Variants in SLC23A2 observed in about 807,000 individuals in gnomAD.
The protein encoded by SLC23A2 is Na(+)/L-ascorbic acid transporter 2.
In SLC23A2, 36 loss-of-function variants were observed where a neutral mutation model predicts 73.3. The observed-to-expected ratio is 0.49, with a 90% CI of 0.38 to 0.65. The LOEUF is 0.65. Among genes scored for constraint, SLC23A2 ranks in the 30% least tolerant of loss-of-function variants. SLC23A2 has a pLI of 0.00. For missense variants in SLC23A2, 507 were observed against 841.6 expected (o/e 0.60, Z 4.92); for synonymous variants, 343 against 327.3 (o/e 1.05, Z -0.52).
intron 1 of SLC23A2, among the ~76,000 whole-genome samples, chr20:4,977,000 A>T (rs2087652664): frequency 6.6e-6 from 1 of 152,084 alleles, no homozygotes; most frequent in Admixed American, 6.6e-5. Context: ...AAAAATGCAT[A>T]TCCAATGAAA....
At chr20:4,886,696 T>A in intron 6 of SLC23A2, among the ~76,000 whole-genome samples, 1 of 152,206 alleles carries the variant, frequency 6.6e-6, no homozygotes, top group East Asian at 1.9e-4. Context: ...TTCAGCTAAG[T>A]CACATTAAAG....
chr20:4,950,653 G>A (rs971728765), intron 2 of SLC23A2, among the ~76,000 whole-genome samples: 2 of 152,040 alleles, frequency 1.3e-5, no homozygotes, highest in African/African-American at 4.8e-5. Context: ...CCTGGGCAGT[G>A]GGCACCCTCT....
At chr20:5,005,190 C>T (rs950482445), upstream of SLC23A2, among the ~76,000 whole-genome samples, 8 of 151,474 alleles carry the variant, frequency 5.3e-5, no homozygotes, top group East Asian at 1.4e-3. Flanking sequence ...GCTCTGACTT[C>T]TGTCTTTCAA....
chr20:4,891,543 A>G (rs1308518780), intron 6 of SLC23A2, among the ~76,000 whole-genome samples: 1 of 152,146 alleles, frequency 6.6e-6, no homozygotes, highest in Non-Finnish European at 1.5e-5. Context: ...AGTGGGGCCC[A>G]CCCTGGCTGG....
At chr20:4,913,046 T>G in intron 3 of SLC23A2, 68 bp from the exon 4 acceptor site, 1 of 1,021,010 alleles carries the variant, frequency 9.8e-7, no homozygotes, top group Non-Finnish European at 1.5e-6. Flanking sequence ...GAAAGCCATT[T>G]GTAATTCTCC....
At chr20:4,957,398 GT>G (rs1307801897) in intron 2 of SLC23A2, among the ~76,000 whole-genome samples, 4 of 151,902 alleles carry the variant, frequency 2.6e-5, no homozygotes, top group African/African-American at 9.7e-5. Flanking sequence ...GGAGTTCAAC[GT>G]TCAGTGAACT....
intron 3 of SLC23A2, among the ~76,000 whole-genome samples, chr20:4,923,054 G>C (rs1932549718): frequency 6.6e-6 from 1 of 151,954 alleles, no homozygotes; most frequent in Admixed American, 6.6e-5. Flanking sequence ...AAAGTATATT[G>C]CAATATGATA....
chr20:5,002,070 G>T (rs2088136147), upstream of SLC23A2, among the ~76,000 whole-genome samples: 1 of 152,142 alleles, frequency 6.6e-6, no homozygotes, highest in South Asian at 2.1e-4. Flanking sequence ...GCTAGGGGCG[G>T]GTTCACATTC....
intron 2 of SLC23A2, among the ~76,000 whole-genome samples, 163 bp downstream of exon 2, chr20:4,970,630 G>A (rs1479674480): frequency 1.3e-5 from 2 of 152,166 alleles, no homozygotes; most frequent in Non-Finnish European, 2.9e-5. Context: ...CCAGCTACTT[G>A]GGAAGCTGAG....
At chr20:4,984,505 A>G (rs1397499879) in intron 1 of SLC23A2, among the ~76,000 whole-genome samples, 1 of 151,156 alleles carries the variant, frequency 6.6e-6, no homozygotes, top group Non-Finnish European at 1.5e-5. Context: ...GTGAGCCGAG[A>G]TTGCACCACT....
intron 13 of SLC23A2, 143 bp downstream of exon 13, chr20:4,867,621 CACTTAA>C: frequency 2.1e-6 from 1 of 467,208 alleles, no homozygotes; most frequent in Non-Finnish European, 3.6e-6. Flanking sequence ...GCATTATAAA[CACTTAA>C]AAAAAAAAAA....
chr20:4,971,618 CAAAA>C (rs944620433), intron 1 of SLC23A2, among the ~76,000 whole-genome samples: 1 of 60,116 alleles, frequency 1.7e-5, no homozygotes, highest in Non-Finnish European at 3.9e-5. Context: ...CTTGTCTCTA[CAAAA>C]AAAAAAAAAA....
intron 3 of SLC23A2, among the ~76,000 whole-genome samples, chr20:4,930,841 G>C (rs1434523865): frequency 6.6e-6 from 1 of 151,814 alleles, no homozygotes; most frequent in Non-Finnish European, 1.5e-5. Context: ...CCATGTTCAA[G>C]TTAGGGTTGG....
In SLC23A2 at chr20:4,950,579, A is replaced by C. The variant is rs555259602; in HGVS notation, c.-154-17863T>G. Among the ~76,000 whole-genome samples, 204 of 152,284 alleles carry C rather than the reference A, an allele frequency of 1.3e-3. 1 individual carries two copies. The highest frequency in any genetic ancestry group is 4.9e-3 in the African/African-American group (203 of 41,560). On this transcript the variant is annotated intron_variant, in intron 2 of 16. Coordinates refer to ENST00000338244, the MANE Select transcript of SLC23A2 (RefSeq NM_005116.6). ...AGTCTGACATCAGGACTAGGAAAGA[A>C]GTCACACCTGTGGCCAGACTTTGCC... is the stretch of plus-strand genomic sequence containing the variant.
intron 1 of SLC23A2, among the ~76,000 whole-genome samples, chr20:4,986,976 A>G (rs2087841350): frequency 6.6e-6 from 1 of 151,086 alleles, no homozygotes; most frequent in Non-Finnish European, 1.5e-5. Context: ...TCCTACTCCC[A>G]CTAAATTCAG....
rs1043655421 is a variant in SLC23A2, at chr20:4,947,797, G to A, written c.-154-15081C>T. 6.6e-6 allele frequency among the ~76,000 whole-genome samples: 1 copy of A among 152,188 alleles called. No homozygotes were observed. The highest frequency in any genetic ancestry group is 1.5e-5 in the Non-Finnish European group (1 of 68,030). The stretch of plus-strand genomic sequence containing the variant: ...AGAAAAGGCCAAAAGACCAGAATAG[G>A]CCTGAGAAGGTCATATCTAAAAGTC... On this transcript the variant is annotated intron_variant, in intron 2 of 16. Transcript: ENST00000338244. This position sits in a 1 kb window ranked among gnomAD's most constrained non-coding sequence, Gnocchi z 4.4.
At chr20:4,939,615 G>A (rs189621153) in intron 2 of SLC23A2, among the ~76,000 whole-genome samples, 30 of 152,262 alleles carry the variant, frequency 2.0e-4, no homozygotes, top group African/African-American at 6.3e-4. Flanking sequence ...TTCTGTTAAG[G>A]TCCCTGCTAA....
intron 3 of SLC23A2, among the ~76,000 whole-genome samples, chr20:4,913,329 T>C (rs1932221825): frequency 6.6e-6 from 1 of 152,130 alleles, no homozygotes. Flanking sequence ...GCCGACTTCC[T>C]GCACCTAGAA....
intron 1 of SLC23A2, among the ~76,000 whole-genome samples, chr20:4,979,218 G>A (rs560715871): frequency 1.7e-4 from 26 of 151,418 alleles, no homozygotes; most frequent in African/African-American, 6.3e-4. Context: ...GCTTGAACCC[G>A]GGAGGCGGAG....
Sources: gnomAD v4.1 joint callset for allele counts (sites outside exome capture counted in the v4.1 genomes callset) on GRCh38, gnomAD v4.1.1 for gene constraint, Gnocchi (gnomAD v3.1) non-coding constraint, MANE v1.5 for transcripts, NCBI Gene and HGNC (gene_info 2026-07-23, HGNC 2026-07-21) for gene names.